DUSP16: variants seen among roughly 807,000 people sequenced by gnomAD.
The protein encoded by DUSP16 is dual specificity protein phosphatase 16.
DUSP16 carries 21 observed loss-of-function variants against 58.3 expected under a neutral mutation model. That is an observed-to-expected ratio of 0.36 (90% CI 0.26 to 0.52). The LOEUF (loss-of-function observed/expected upper bound fraction) is 0.52. Ranked by LOEUF, DUSP16 falls within the 20% of genes least tolerant of loss-of-function variation. The pLI, the probability that DUSP16 is intolerant of heterozygous loss-of-function variation, is 0.94. For missense variants in DUSP16, 726 were observed against 819.0 expected (o/e 0.89, Z 1.39); for synonymous variants, 320 against 323.8 (o/e 0.99, Z 0.12).
At chr12:12,497,037 C>A (rs1034175840) in intron 4 of DUSP16, among the ~76,000 whole-genome samples, 3 of 152,110 alleles carry the variant, frequency 2.0e-5, no homozygotes, top group African/African-American at 2.4e-5. Context: ...TGTGACTACT[C>A]CAAATTGAGA....
chr12:12,486,489 T>A (rs953285150), intron 5 of DUSP16, among the ~76,000 whole-genome samples: 7 of 124,640 alleles, frequency 5.6e-5, no homozygotes, highest in East Asian at 2.0e-4. Flanking sequence ...AGAGTGTGTG[T>A]GTGTGTGTGT....
intron 6 of DUSP16, 127 bp downstream of exon 6, chr12:12,480,096 C>G: frequency 1.5e-6 from 2 of 1,290,728 alleles, no homozygotes; most frequent in Non-Finnish European, 1.1e-6. Flanking sequence ...AAAAAATCCA[C>G]AGTAACCTGT....
intron 3 of DUSP16, among the ~76,000 whole-genome samples, chr12:12,509,615 G>T (rs996851255): frequency 1.3e-5 from 2 of 152,184 alleles, no homozygotes; most frequent in African/African-American, 4.8e-5. Context: ...CTGTGTATGT[G>T]TTGTGACCCG....
At chr12:12,543,679 G>C (rs1179251322) in intron 1 of DUSP16, among the ~76,000 whole-genome samples, 2 of 151,970 alleles carry the variant, frequency 1.3e-5, no homozygotes, top group Non-Finnish European at 2.9e-5. Flanking sequence ...CATGTAAAAA[G>C]AAAGATGTCT....
intron 3 of DUSP16, among the ~76,000 whole-genome samples, chr12:12,504,789 A>AC (rs1210366850): frequency 6.6e-6 from 1 of 151,324 alleles, no homozygotes; most frequent in Non-Finnish European, 1.5e-5. Flanking sequence ...AGGTGGGAGG[A>AC]CTGTTTGAGC....
chr12:12,496,832 C>T (rs1943834223), intron 4 of DUSP16, among the ~76,000 whole-genome samples: 1 of 152,182 alleles, frequency 6.6e-6, no homozygotes, highest in South Asian at 2.1e-4. Context: ...GATGAAAGAA[C>T]ACACTCTGAG....
intron 1 of DUSP16, among the ~76,000 whole-genome samples, chr12:12,538,139 T>A (rs943270031): frequency 6.6e-6 from 1 of 152,194 alleles, no homozygotes; most frequent in South Asian, 2.1e-4. Flanking sequence ...TTTGAAAACA[T>A]GCATCCCCGT....
chr12:12,511,858 A>C (rs1944083725), intron 3 of DUSP16, among the ~76,000 whole-genome samples: 1 of 151,632 alleles, frequency 6.6e-6, no homozygotes, highest in Non-Finnish European at 1.5e-5. Flanking sequence ...AATATGCTGG[A>C]CCTGGTGTTT....
At chr12:12,500,827 T>C in intron 3 of DUSP16, 145 bp from the exon 4 acceptor site, 1 of 763,700 alleles carries the variant, frequency 1.3e-6, no homozygotes, top group Non-Finnish European at 1.9e-6. Flanking sequence ...CTGCTGATGC[T>C]AAGACTGAAG....
At position 12,477,255 on chromosome 12, in the gene DUSP16, G is replaced by C; in HGVS notation, c.1576C>G (p.Gln526Glu). ...SFLFGLSTSQ[Q>E]HLTKSAGLGL... ...AGGCCAGCAGACTTCGTGAGGTGCT[G>C]CTGGCTGGTGGAAAGGCCGAAAAGG... The change falls in exon 7 of 7, where the codon CAG becomes GAG. Residue 526 changes from glutamine to glutamate, a missense_variant. Coordinates refer to ENST00000298573, the MANE Select transcript of DUSP16 (RefSeq NM_030640.3). The surrounding 1 kb of genome is among the most constrained non-coding windows in gnomAD (Gnocchi z 4.1). The C allele has an allele frequency of 5.0e-6, 8 of 1,614,256 alleles. No homozygotes were observed. The highest frequency in any genetic ancestry group is 6.8e-6 in the Non-Finnish European group (8 of 1,180,050).
intron 4 of DUSP16, among the ~76,000 whole-genome samples, chr12:12,487,877 G>A (rs1943707614): frequency 6.6e-6 from 1 of 152,084 alleles, no homozygotes; most frequent in Admixed American, 6.6e-5. Context: ...AGAATAAAAT[G>A]GGGCTCCTTT....
At chr12:12,491,450 C>T (rs187956598) in intron 4 of DUSP16, 4 of 152,006 alleles carry the variant, frequency 2.6e-5, no homozygotes, top group Non-Finnish European at 5.9e-5. Context: ...TTTATAGATA[C>T]GTATCAATGA....
At chr12:12,540,988 A>C (rs1944550377) in intron 1 of DUSP16, among the ~76,000 whole-genome samples, 1 of 110,996 alleles carries the variant, frequency 9.0e-6, no homozygotes, top group Non-Finnish European at 1.7e-5. Flanking sequence ...CAGGAGTCTC[A>C]CTCTGATTGC....
At chr12:12,547,256 C>A (rs1944654240) in intron 1 of DUSP16, among the ~76,000 whole-genome samples, 1 of 151,802 alleles carries the variant, frequency 6.6e-6, no homozygotes, top group East Asian at 1.9e-4. Flanking sequence ...TGGCAAAACC[C>A]CGTCTCTACC....
At chr12:12,492,618 C>T (rs1943777426) in intron 4 of DUSP16, among the ~76,000 whole-genome samples, 2 of 152,090 alleles carry the variant, frequency 1.3e-5, no homozygotes, top group South Asian at 2.1e-4. Flanking sequence ...CTCAGCTTCG[C>T]GTCTCCCTCC....
At chr12:12,513,379 A>G (rs1944105280) in intron 3 of DUSP16, among the ~76,000 whole-genome samples, 1 of 152,200 alleles carries the variant, frequency 6.6e-6, no homozygotes, top group African/African-American at 2.4e-5. Context: ...AATTCTCAAA[A>G]AGACTGAGAA....
At chr12:12,524,665 T>G (rs1944278407) in intron 1 of DUSP16, among the ~76,000 whole-genome samples, 1 of 152,138 alleles carries the variant, frequency 6.6e-6, no homozygotes, top group Non-Finnish European at 1.5e-5. Flanking sequence ...GAATAAAAAT[T>G]TTTACAATGA....
chr12:12,524,548 T>C (rs1944276274), intron 1 of DUSP16, among the ~76,000 whole-genome samples: 1 of 152,270 alleles, frequency 6.6e-6, no homozygotes, highest in African/African-American at 2.4e-5. Flanking sequence ...GTTACTGTTT[T>C]GTTTTCAAAA....
At chr12:12,523,862 T>C (rs1944267911) in intron 1 of DUSP16, among the ~76,000 whole-genome samples, 1 of 152,158 alleles carries the variant, frequency 6.6e-6, no homozygotes, top group Non-Finnish European at 1.5e-5. Flanking sequence ...GGAACTGGAC[T>C]GGGAAAGAAT....
Sources: gnomAD v4.1 joint callset for allele counts (sites outside exome capture counted in the v4.1 genomes callset) on GRCh38, gnomAD v4.1.1 for gene constraint, Gnocchi (gnomAD v3.1) non-coding constraint, MANE v1.5 for transcripts, NCBI Gene and HGNC (gene_info 2026-07-23, HGNC 2026-07-21) for gene names.